Variants in ALX4 observed in about 807,000 individuals in gnomAD.
The protein encoded by ALX4 is ALX homeobox 4.
A neutral mutation model predicts 40.6 loss-of-function variants in ALX4; 22 were observed. The ratio of observed to expected loss-of-function variants is 0.54; its 90% CI spans 0.39 to 0.77. The LOEUF (loss-of-function observed/expected upper bound fraction) is 0.77, where lower values mean the gene tolerates loss of function less well. ALX4 is among the 30% of genes least tolerant of loss of function. ALX4 has a pLI of 0.00. For synonymous variants in ALX4, 266 were observed against 240.5 expected (o/e 1.11, Z -0.98); for missense variants, 556 against 564.8 (o/e 0.98, Z 0.16).
At chr11:44,292,776 C>G (rs1304438613) in intron 1 of ALX4, among the ~76,000 whole-genome samples, 1 of 152,038 alleles carries the variant, frequency 6.6e-6, no homozygotes, top group East Asian at 1.9e-4. Context: ...AATGTTTCAG[C>G]ATTCACAATT....
chr11:44,309,288 A>T (rs2119922187), intron 1 of ALX4, among the ~76,000 whole-genome samples: 1 of 149,994 alleles, frequency 6.7e-6, no homozygotes, highest in Middle Eastern at 3.4e-3. Flanking sequence ...GGTAAGAAGC[A>T]TCCGCTTCAA....
intron 1 of ALX4, among the ~76,000 whole-genome samples, chr11:44,283,853 C>T (rs576687993): frequency 7.2e-5 from 11 of 152,128 alleles, no homozygotes; most frequent in African/African-American, 1.7e-4. Context: ...CATGGACCAC[C>T]GCGCCAATAT....
Position 44,283,247 on chromosome 11 carries a change from CAAAAAAA to C in ALX4, c.467-7596_467-7590del, listed in dbSNP as rs35704210. On this transcript the variant is annotated intron_variant, in intron 1 of 3. Coordinates refer to ENST00000652299, the MANE Select transcript of ALX4 (RefSeq NM_021926.4). ...GGGCAACAAGAGCAAAACTCCATCT[CAAAAAAA>C]AAAAAAAAAAATTTACAGCATGTTG... 9.6e-3 allele frequency among the ~76,000 whole-genome samples: 961 copies of C among 100,210 alleles called. 12 individuals carry two copies. The highest frequency in any genetic ancestry group is 0.036 in the African/African-American group (882 of 24,346). 65.7% of individuals were successfully genotyped at this position (100,210 alleles called of 152,430 possible). A position where few individuals can be genotyped will look rare whatever the true frequency, so the allele number is the denominator to read the frequency against.
At chr11:44,290,550 G>C (rs1434077965) in intron 1 of ALX4, among the ~76,000 whole-genome samples, 10 of 152,226 alleles carry the variant, frequency 6.6e-5, no homozygotes, top group Admixed American at 6.5e-4. Context: ...GCCCAGCCTT[G>C]GGGCGACTCC....
At chr11:44,302,717 C>G (rs1016984686) in intron 1 of ALX4, among the ~76,000 whole-genome samples, 5 of 152,196 alleles carry the variant, frequency 3.3e-5, no homozygotes, top group African/African-American at 9.7e-5. Context: ...ACCTGCATTC[C>G]ACCATGGCCC....
At chr11:44,303,231 G>C (rs1019254266) in intron 1 of ALX4, among the ~76,000 whole-genome samples, 4 of 152,050 alleles carry the variant, frequency 2.6e-5, no homozygotes, top group Non-Finnish European at 4.4e-5. Flanking sequence ...ATCCATGCTG[G>C]GCCTCCAGTT....
intron 1 of ALX4, among the ~76,000 whole-genome samples, chr11:44,299,454 G>A (rs935136204): frequency 9.7e-5 from 14 of 143,676 alleles, no homozygotes; most frequent in South Asian, 2.4e-4. Flanking sequence ...TCCGCCTCCC[G>A]GGTTCACACC....
At chr11:44,280,414 C>G (rs1307350546) in intron 1 of ALX4, among the ~76,000 whole-genome samples, 1 of 152,214 alleles carries the variant, frequency 6.6e-6, no homozygotes, top group Non-Finnish European at 1.5e-5. Context: ...TTCTTCAGAG[C>G]CTTGGGGCAC....
chr11:44,287,643 G>A (rs973762824), intron 1 of ALX4, among the ~76,000 whole-genome samples: 1 of 151,820 alleles, frequency 6.6e-6, no homozygotes, highest in African/African-American at 2.4e-5. Context: ...CTGGTAAGAG[G>A]CAGAGCTGAG....
At chr11:44,283,825 A>C (rs1235716353) in intron 1 of ALX4, among the ~76,000 whole-genome samples, 1 of 152,078 alleles carries the variant, frequency 6.6e-6, no homozygotes, top group East Asian at 1.9e-4. Flanking sequence ...TGGTCTCCCA[A>C]AGTGCTGGGA....
intron 1 of ALX4, among the ~76,000 whole-genome samples, chr11:44,292,447 T>C (rs1439041443): frequency 6.9e-6 from 1 of 145,412 alleles, no homozygotes; most frequent in Admixed American, 7.1e-5. Context: ...CTCAAACTCC[T>C]GGATTCAAGC....
chr11:44,307,009 G>A (rs1037712670), intron 1 of ALX4, among the ~76,000 whole-genome samples: 1 of 152,222 alleles, frequency 6.6e-6, no homozygotes, highest in Admixed American at 6.5e-5. Flanking sequence ...ATCTTAGGCA[G>A]CATGGAGTGG....
chr11:44,273,143 T>A (rs1282496073), intron 2 of ALX4, among the ~76,000 whole-genome samples: 1 of 148,130 alleles, frequency 6.8e-6, no homozygotes, highest in African/African-American at 2.5e-5. Context: ...ATCTCTGTCC[T>A]AACATTGAAG....
intron 1 of ALX4, among the ~76,000 whole-genome samples, chr11:44,289,236 T>C (rs1052774657): frequency 2.9e-4 from 44 of 152,154 alleles, no homozygotes; most frequent in African/African-American, 1.0e-3. Flanking sequence ...GCAAGGCATG[T>C]TGCATTTTAT....
At chr11:44,277,576 C>T (rs924343526) in intron 1 of ALX4, among the ~76,000 whole-genome samples, 6 of 152,204 alleles carry the variant, frequency 3.9e-5, no homozygotes, top group Non-Finnish European at 5.9e-5. Flanking sequence ...TAGGTCCAAG[C>T]GATGGGCATT....
At chr11:44,267,829 T>C (rs1956222442) in intron 2 of ALX4, among the ~76,000 whole-genome samples, 3 of 152,200 alleles carry the variant, frequency 2.0e-5, no homozygotes, top group Admixed American at 1.3e-4. Flanking sequence ...GAAGGTATCT[T>C]ACCCCCACTA....
At chr11:44,279,661 C>G (rs1189108933) in intron 1 of ALX4, among the ~76,000 whole-genome samples, 1 of 152,218 alleles carries the variant, frequency 6.6e-6, no homozygotes, top group Non-Finnish European at 1.5e-5. Context: ...TGGCATGTTC[C>G]TCCTTCCAGC....
At chr11:44,278,314 A>G (rs1487969939) in intron 1 of ALX4, among the ~76,000 whole-genome samples, 1 of 152,226 alleles carries the variant, frequency 6.6e-6, no homozygotes, top group Non-Finnish European at 1.5e-5. Flanking sequence ...TTCCGGACAG[A>G]GCACAGCCTC....
intron 1 of ALX4, 142 bp from the exon 2 acceptor site, chr11:44,275,800 T>C: frequency 1.3e-6 from 1 of 753,116 alleles, no homozygotes; most frequent in East Asian, 2.7e-5. Context: ...GTCCGGAGAC[T>C]TGGCTTCTAA....
Sources: gnomAD v4.1 joint callset for allele counts (sites outside exome capture counted in the v4.1 genomes callset) on GRCh38, gnomAD v4.1.1 for gene constraint, MANE v1.5 for transcripts, NCBI Gene and HGNC (gene_info 2026-07-23, HGNC 2026-07-21) for gene names.